The following TMEM40 variants were observed in gnomAD, a reference collection of about 807,000 sequenced individuals.
TMEM40 encodes the protein transmembrane protein 40.
In TMEM40, 34 loss-of-function variants were observed where a neutral mutation model predicts 40.8. That is an observed-to-expected ratio of 0.83 (90% CI 0.63 to 1.11). TMEM40 has a LOEUF of 1.11. TMEM40 is among the 50% of genes least tolerant of loss of function. The pLI is 0.00. For synonymous variants in TMEM40, 106 were observed against 107.0 expected, an observed-to-expected ratio of 0.99 and a Z score of 0.06; for missense variants, 296 against 280.2, an observed-to-expected ratio of 1.06 and a Z score of -0.40.
At chr3:12,757,138 C>T (rs914928551) in intron 1 of TMEM40, among the ~76,000 whole-genome samples, 19 of 152,232 alleles carry the variant, frequency 1.2e-4, no homozygotes, top group African/African-American at 4.1e-4. Flanking sequence ...AGACATTTCT[C>T]GAAAGAAGAC....
chr3:12,755,224 T>TTTCA (rs1559533271), intron 1 of TMEM40, among the ~76,000 whole-genome samples: 2 of 87,922 alleles, frequency 2.3e-5, no homozygotes, highest in Non-Finnish European at 4.3e-5. Context: ...TCTCTCTCTC[T>TTTCA]CTCTCTCTCT....
chr3:12,743,031 C>A (rs1332344544), intron 4 of TMEM40, among the ~76,000 whole-genome samples: 1 of 152,204 alleles, frequency 6.6e-6, no homozygotes, highest in African/African-American at 2.4e-5. Context: ...TCAGCTCTAG[C>A]CTCATGGGCA....
intron 1 of TMEM40, among the ~76,000 whole-genome samples, chr3:12,768,826 G>A (rs867704254): frequency 3.0e-4 from 45 of 151,492 alleles, no homozygotes; most frequent in Middle Eastern, 3.4e-3. Flanking sequence ...CGATGGGACC[G>A]GGCGCCGTGG....
rs561509065 is a variant in TMEM40 at position 12,734,070 on chromosome 3, A to C, written c.*704T>G. On this transcript the variant is annotated 3_prime_UTR_variant, in exon 12 of 12. Transcript: ENST00000314124. Reference sequence around the variant, plus strand: ...CAGGTATGTACAGGTATGTACCGCCACATTTGGTCATTAAAAAAAAATTGT... The same window carrying C: ...CAGGTATGTACAGGTATGTACCGCCCCATTTGGTCATTAAAAAAAAATTGT... 2 of 151,668 alleles carry C rather than the reference A, an allele frequency of 1.3e-5. No homozygotes were observed. Among genetic ancestry groups the C allele is most frequent in the Non-Finnish European group, 2.9e-5 (2 of 68,004 alleles). The allele number at this position is 151,668 out of a possible 1,614,324, so 9.4% of individuals were successfully genotyped here. A position where few individuals can be genotyped will look rare whatever the true frequency, so the allele number is the denominator to read the frequency against.
upstream of TMEM40, chr3:12,759,264 G>A (rs1292394343): frequency 6.6e-6 from 1 of 152,494 alleles, no homozygotes; most frequent in Non-Finnish European, 1.5e-5. Flanking sequence ...CTGGTCAGGG[G>A]AAGGAGAGGA....
chr3:12,748,908 T>G (rs2061450979), intron 2 of TMEM40, 116 bp from the exon 3 acceptor site: 1 of 885,464 alleles, frequency 1.1e-6, no homozygotes, highest in South Asian at 1.7e-5. Context: ...GACTGGATTA[T>G]CTTCCCAAAT....
chr3:12,747,803 C>T (rs915819624), intron 3 of TMEM40, among the ~76,000 whole-genome samples: 2 of 146,920 alleles, frequency 1.4e-5, no homozygotes, highest in Non-Finnish European at 3.0e-5. Flanking sequence ...CCCAGCTACT[C>T]GGGAGGCTGA....
intron 1 of TMEM40, among the ~76,000 whole-genome samples, chr3:12,753,579 A>G (rs187242924): frequency 2.6e-5 from 4 of 152,008 alleles, no homozygotes; most frequent in Admixed American, 2.0e-4. Flanking sequence ...AGAGGAAGAG[A>G]CTTGTTCAAG....
intron 1 of TMEM40, among the ~76,000 whole-genome samples, chr3:12,766,297 T>A (rs2061594492): frequency 6.6e-6 from 1 of 151,930 alleles, no homozygotes; most frequent in South Asian, 2.1e-4. Context: ...AAAACTGCTA[T>A]AAATATTCAT....
At chr3:12,739,630 A>AT in intron 5 of TMEM40, among the ~76,000 whole-genome samples, 1 of 151,448 alleles carries the variant, frequency 6.6e-6, no homozygotes, top group African/African-American at 2.4e-5. Flanking sequence ...TATGTTGCCC[A>AT]GGCTGGTCTT....
intron 3 of TMEM40, among the ~76,000 whole-genome samples, chr3:12,744,197 G>A (rs956099564): frequency 7.2e-5 from 11 of 152,150 alleles, no homozygotes; most frequent in East Asian, 1.9e-4. Context: ...TGTTGATTTC[G>A]TGTCTACATA....
intron 1 of TMEM40, among the ~76,000 whole-genome samples, chr3:12,767,246 C>G (rs2061598264): frequency 6.6e-6 from 1 of 151,876 alleles, no homozygotes; most frequent in Non-Finnish European, 1.5e-5. Flanking sequence ...CTGATACTGG[C>G]TTTTATAGGG....
chr3:12,739,974 C>A (rs2061368457), intron 5 of TMEM40, among the ~76,000 whole-genome samples: 1 of 149,234 alleles, frequency 6.7e-6, no homozygotes, highest in Non-Finnish European at 1.5e-5. Flanking sequence ...CAGGTGTGAG[C>A]CACCATGTCT....
chr3:12,768,348 T>C (rs1369796279), intron 1 of TMEM40, among the ~76,000 whole-genome samples: 1 of 150,614 alleles, frequency 6.6e-6, no homozygotes, highest in African/African-American at 2.4e-5. Flanking sequence ...TTACCACTGC[T>C]GGCTGGGGCA....
chr3:12,737,843 C>G (rs538750729), intron 7 of TMEM40, 89 bp from the exon 8 acceptor site: 38 of 1,328,796 alleles, frequency 2.9e-5, no homozygotes, highest in Non-Finnish European at 3.8e-5. Flanking sequence ...GAATTAATAT[C>G]CTGGGTATAT....
At chr3:12,735,371 A>G (rs1484529347) in intron 11 of TMEM40, among the ~76,000 whole-genome samples, 184 bp downstream of exon 11, 1 of 152,150 alleles carries the variant, frequency 6.6e-6, no homozygotes, top group Non-Finnish European at 1.5e-5. Flanking sequence ...CCTATTTTCC[A>G]GTTGAGGAAA....
rs758550120 is a variant in TMEM40 at position 12,743,954 on chromosome 3, C to T, written c.247G>A (p.Gly83Arg). 18 of 1,613,284 alleles carry T rather than the reference C, an allele frequency of 1.1e-5. No individual in the cohort carries two copies. Among genetic ancestry groups the T allele is most frequent in the Non-Finnish European group, 1.4e-5 (16 of 1,179,780 alleles). The change falls in exon 4 of 12, where the codon GGA (glycine) becomes AGA (arginine). Residue 83 changes from glycine (G) to arginine (R), a missense_variant. Coordinates refer to ENST00000314124, the MANE Select transcript of TMEM40 (RefSeq NM_018306.4). ...GCCCCCAGGCTCCGTCGATGTTTTC[C>T]GGTTGCTCTGGGTTGCTGGTCCTCA... The part of the protein sequence containing the change: ...NDEDQQPRAT[G>R]KHRRSLGAGY...
At chr3:12,749,043 G>A (rs2061452101) in intron 2 of TMEM40, among the ~76,000 whole-genome samples, 1 of 147,536 alleles carries the variant, frequency 6.8e-6, no homozygotes, top group African/African-American at 2.5e-5. Flanking sequence ...TTTTTTTTTT[G>A]AGACGGAGTC....
At chr3:12,739,437 A>G (rs2061364169) in intron 5 of TMEM40, among the ~76,000 whole-genome samples, 1 of 151,970 alleles carries the variant, frequency 6.6e-6, no homozygotes, top group Non-Finnish European at 1.5e-5. Context: ...GGCGCCCGCC[A>G]CCACGCCTGG....
Sources: gnomAD v4.1 joint callset for allele counts (sites outside exome capture counted in the v4.1 genomes callset) on GRCh38, gnomAD v4.1.1 for gene constraint, MANE v1.5 for transcripts, NCBI Gene and HGNC (gene_info 2026-07-23, HGNC 2026-07-21) for gene names.